The following TAFA5 variants were observed in gnomAD, a reference collection of about 807,000 sequenced individuals.
TAFA5 encodes chemokine-like protein TAFA-5.
In TAFA5, 6 loss-of-function variants were observed where a neutral mutation model predicts 15.3. The ratio of observed to expected loss-of-function variants is 0.39; its 90% CI spans 0.21 to 0.77. The LOEUF (loss-of-function observed/expected upper bound fraction) is 0.77, where lower values mean the gene tolerates loss of function less well. Among genes scored for constraint, TAFA5 ranks in the 30% least tolerant of loss-of-function variants. The pLI, the probability that TAFA5 is intolerant of heterozygous loss-of-function variation, is 0.41. For synonymous variants in TAFA5, 103 were observed against 80.7 expected (o/e 1.28, Z -1.48); for missense variants, 161 against 193.1 (o/e 0.83, Z 0.98).
At chr22:48,511,795 C>T (rs551026846) in intron 1 of TAFA5, among the ~76,000 whole-genome samples, 41 of 152,364 alleles carry the variant, frequency 2.7e-4, no homozygotes, top group African/African-American at 8.2e-4. Context: ...AGTTTCTTCC[C>T]GCACTGGGAG....
intron 2 of TAFA5, among the ~76,000 whole-genome samples, chr22:48,665,593 CT>C (rs2147217633): frequency 6.6e-6 from 1 of 151,898 alleles, no homozygotes; most frequent in African/African-American, 2.4e-5. Flanking sequence ...CATTTTTTTT[CT>C]CTGCACATGG....
intron 1 of TAFA5, among the ~76,000 whole-genome samples, chr22:48,633,550 C>CTT (rs1333346243): frequency 2.0e-5 from 3 of 150,770 alleles, no homozygotes; most frequent in African/African-American, 7.4e-5. Context: ...CTCTCTCTCT[C>CTT]TCTCTCTCCA....
chr22:48,506,774 C>T lies in TAFA5; in HGVS notation c.112+17070C>T, dbSNP rs1921008206. On this transcript the variant is annotated intron_variant, in intron 1 of 3. Coordinates refer to ENST00000402357, the MANE Select transcript of TAFA5 (RefSeq NM_001082967.3). ...AGTGACCTCTTCCGGCCATGGCAGG[C>T]GGGGGTCCCCAACCACCAGGATGGT... 2.6e-5 allele frequency among the ~76,000 whole-genome samples: 4 copies of T among 152,314 alleles called. No homozygotes were observed. In the South Asian group the frequency reaches 6.2e-4, roughly 24 times the overall value.
intron 1 of TAFA5, among the ~76,000 whole-genome samples, chr22:48,608,534 C>T (rs1257581181): frequency 3.3e-5 from 5 of 152,106 alleles, no homozygotes; most frequent in African/African-American, 9.7e-5. Flanking sequence ...GTGACAGCTA[C>T]GTCTATTTTT....
At chr22:48,737,313 G>T (rs1307107779) in intron 3 of TAFA5, among the ~76,000 whole-genome samples, 2 of 152,190 alleles carry the variant, frequency 1.3e-5, no homozygotes, top group African/African-American at 2.4e-5. Flanking sequence ...AAGCTACTTG[G>T]CCCCCACAGC....
At position 48,489,566 on chromosome 22, in the gene TAFA5, G is replaced by C; in HGVS notation, c.-27G>C. The C allele has an allele frequency of 7.3e-7, 1 of 1,368,160 alleles. No individual in the cohort carries two copies. Among genetic ancestry groups the C allele is most frequent in the Non-Finnish European group, 9.7e-7 (1 of 1,034,512 alleles). 84.8% of individuals were successfully genotyped at this position (1,368,160 alleles called of 1,614,324 possible). A position where few individuals can be genotyped will look rare whatever the true frequency, so the allele number is the denominator to read the frequency against. ...GGGCCGGCTGCTGAGACGCGCTGCT[G>C]CCCCCCGCGCGGGCGCCGCGGCTTC... On this transcript the variant is annotated 5_prime_UTR_variant, in exon 1 of 4. Transcript: ENST00000402357. This position sits in a 1 kb window ranked among gnomAD's most constrained non-coding sequence, Gnocchi z 5.5.
chr22:48,669,081 G>T lies in TAFA5; in HGVS notation c.262+22335G>T, dbSNP rs556465666. On this transcript the variant is annotated intron_variant, in intron 2 of 3. Transcript: ENST00000402357. ...GAAGAGAGACCCTCCCCACTTCCCC[G>T]ACGTGAGGACACAACCAGGAGGCAC... Among the ~76,000 whole-genome samples the T allele has an allele frequency of 5.9e-5, 9 of 152,290 alleles. 1 individual carries two copies. The highest frequency in any genetic ancestry group is 2.2e-4 in the African/African-American group (9 of 41,566).
At chr22:48,525,822 C>A (rs1458328414) in intron 1 of TAFA5, among the ~76,000 whole-genome samples, 2 of 152,218 alleles carry the variant, frequency 1.3e-5, no homozygotes, top group African/African-American at 4.8e-5. Context: ...CTCTCCCCAT[C>A]TGTGGACGAG....
intron 3 of TAFA5, among the ~76,000 whole-genome samples, chr22:48,726,772 A>C (rs1352517389): frequency 6.6e-6 from 1 of 152,228 alleles, no homozygotes; most frequent in Non-Finnish European, 1.5e-5. Flanking sequence ...AAAAGCTTGC[A>C]GTTTATATGG....
chr22:48,669,876 A>G (rs1202404204), intron 2 of TAFA5, among the ~76,000 whole-genome samples: 2 of 152,218 alleles, frequency 1.3e-5, no homozygotes, highest in Non-Finnish European at 2.9e-5. Context: ...TTGTGATTCC[A>G]CGTTTCACCA....
chr22:48,743,980 T>C (rs9628478), intron 3 of TAFA5, among the ~76,000 whole-genome samples: 9,838 of 152,290 alleles, frequency 0.065, 404 homozygotes, highest in Admixed American at 0.095. Context: ...GGGATTTTAC[T>C]TGTTAATTTT....
chr22:48,593,656 G>A (rs868788141), intron 1 of TAFA5, among the ~76,000 whole-genome samples: 3 of 152,162 alleles, frequency 2.0e-5, no homozygotes, highest in Non-Finnish European at 2.9e-5. Flanking sequence ...CCTGTTGGGC[G>A]CCTTCTCACC....
chr22:48,678,822 A>G (rs1025365261), intron 2 of TAFA5, among the ~76,000 whole-genome samples: 1 of 150,492 alleles, frequency 6.6e-6, no homozygotes, highest in Non-Finnish European at 1.5e-5. Flanking sequence ...GTGTAAGGAC[A>G]GAAGAAACTT....
At chr22:48,639,292 G>T (rs1926590013) in intron 1 of TAFA5, among the ~76,000 whole-genome samples, 1 of 152,226 alleles carries the variant, frequency 6.6e-6, no homozygotes, top group African/African-American at 2.4e-5. Flanking sequence ...CAGGCCTGCG[G>T]GGCCCCTCAG....
At chr22:48,722,432 C>T (rs1929596587) in intron 3 of TAFA5, among the ~76,000 whole-genome samples, 1 of 152,192 alleles carries the variant, frequency 6.6e-6, no homozygotes, top group Admixed American at 6.5e-5. Context: ...TGGAAACCAT[C>T]ATTCTCAGCA....
intron 1 of TAFA5, among the ~76,000 whole-genome samples, chr22:48,581,596 A>G (rs2147146486): frequency 6.6e-6 from 1 of 152,270 alleles, no homozygotes; most frequent in South Asian, 2.1e-4. Flanking sequence ...CTGGCTGCAG[A>G]CACAGCCCAA....
At chr22:48,655,736 C>G (rs569532238) in intron 2 of TAFA5, among the ~76,000 whole-genome samples, 1 of 152,024 alleles carries the variant, frequency 6.6e-6, no homozygotes, top group Non-Finnish European at 1.5e-5. Context: ...AAGCAGGTCC[C>G]CTGAGCGCTC....
intron 1 of TAFA5, among the ~76,000 whole-genome samples, chr22:48,591,290 T>G (rs1924558027): frequency 6.6e-6 from 1 of 152,242 alleles, no homozygotes; most frequent in Non-Finnish European, 1.5e-5. Flanking sequence ...TCCCGGTTCC[T>G]TAGTGAATCT....
chr22:48,608,622 G>A (rs1049331204), intron 1 of TAFA5, among the ~76,000 whole-genome samples: 1 of 152,222 alleles, frequency 6.6e-6, no homozygotes, highest in African/African-American at 2.4e-5. Flanking sequence ...CGTGATGGTG[G>A]AAGCATTTTA....
Sources: gnomAD v4.1 joint callset for allele counts (sites outside exome capture counted in the v4.1 genomes callset) on GRCh38, gnomAD v4.1.1 for gene constraint, Gnocchi (gnomAD v3.1) non-coding constraint, MANE v1.5 for transcripts, NCBI Gene and HGNC (gene_info 2026-07-23, HGNC 2026-07-21) for gene names.